The following CFAP96 variants were observed in gnomAD, a reference collection of about 807,000 sequenced individuals.
CFAP96 encodes cilia-and flagella-associated protein 96.
chr4:185,416,884 G>A, the CFAP96 span, among the ~76,000 whole-genome samples: 1 of 152,122 alleles, frequency 6.6e-6, no homozygotes, highest in Non-Finnish European at 1.5e-5. Context: ...AAAAGGAAAT[G>A]ACAGATTTAG....
the CFAP96 span, among the ~76,000 whole-genome samples, chr4:185,412,000 A>G: frequency 6.6e-6 from 1 of 152,348 alleles, no homozygotes; most frequent in South Asian, 2.1e-4. Context: ...CACAAAACCC[A>G]TAATAGTTCC....
the CFAP96 span, among the ~76,000 whole-genome samples, chr4:185,444,491 A>G: frequency 1.5e-3 from 227 of 152,272 alleles, 2 homozygotes; most frequent in Non-Finnish European, 2.5e-4. Flanking sequence ...AGTAAAGTAG[A>G]TCGAATTTTC....
chr4:185,413,471 A>G, the CFAP96 span, among the ~76,000 whole-genome samples: 1 of 152,076 alleles, frequency 6.6e-6, no homozygotes, highest in African/African-American at 2.4e-5. Context: ...GTTCAGAATG[A>G]AAAAAAATGG....
the CFAP96 span, chr4:185,449,756 AAG>A: frequency 9.5e-5 from 61 of 644,144 alleles, no homozygotes; most frequent in Middle Eastern, 2.0e-3. Flanking sequence ...AAGCAGTTAA[AAG>A]AAATTCTGCA....
the CFAP96 span, among the ~76,000 whole-genome samples, chr4:185,412,232 T>C: frequency 1.7e-4 from 26 of 152,326 alleles, no homozygotes; most frequent in Admixed American, 1.2e-3. Context: ...ACCTATTTTA[T>C]TGTCAAAAAG....
the CFAP96 span, among the ~76,000 whole-genome samples, chr4:185,446,476 A>C: frequency 6.6e-6 from 1 of 152,118 alleles, no homozygotes; most frequent in East Asian, 1.9e-4. Context: ...TTTTCACTTT[A>C]TTCTCTCACT....
chr4:185,413,367 G>A, the CFAP96 span, among the ~76,000 whole-genome samples: 4 of 152,130 alleles, frequency 2.6e-5, no homozygotes, highest in Non-Finnish European at 5.9e-5. Context: ...CAGCCTGAGT[G>A]ACAGAGCGAG....
the CFAP96 span, chr4:185,418,409 T>G: frequency 6.6e-7 from 1 of 1,509,288 alleles, no homozygotes; most frequent in East Asian, 2.3e-5. Context: ...TTTAACATTT[T>G]TATCAGTACA....
the CFAP96 span, among the ~76,000 whole-genome samples, chr4:185,424,787 A>G: frequency 6.6e-6 from 1 of 152,370 alleles, no homozygotes; most frequent in South Asian, 2.1e-4. Flanking sequence ...ATTTTACACA[A>G]TTTAACTTAT....
the CFAP96 span, chr4:185,425,895 G>T: frequency 6.3e-7 from 1 of 1,593,844 alleles, no homozygotes; most frequent in African/African-American, 1.3e-5. Context: ...TGACACGGGC[G>T]CTGACGCCTG....
At chr4:185,408,553 T>TA in the CFAP96 span, 1 of 1,049,536 alleles carries the variant, frequency 9.5e-7, no homozygotes, top group Non-Finnish European at 1.4e-6. Context: ...TAGTTCCTTA[T>TA]AAAAATGCCT....
the CFAP96 span, among the ~76,000 whole-genome samples, chr4:185,410,966 A>G: frequency 6.6e-6 from 1 of 151,302 alleles, no homozygotes; most frequent in African/African-American, 2.4e-5. Flanking sequence ...AAAAAGAAAG[A>G]AAGAAATATT....
chr4:185,441,323 CTCT>C, the CFAP96 span, among the ~76,000 whole-genome samples: 1 of 151,762 alleles, frequency 6.6e-6, no homozygotes, highest in African/African-American at 2.4e-5. Context: ...TGTAAATTGC[CTCT>C]TCATTTTTCT....
the CFAP96 span, among the ~76,000 whole-genome samples, chr4:185,448,177 C>T: frequency 2.0e-5 from 3 of 152,138 alleles, no homozygotes; most frequent in African/African-American, 7.2e-5. Context: ...CCCACCACCA[C>T]GCCCAGCTAA....
chr4:185,436,360 G>A, the CFAP96 span: 3 of 1,534,492 alleles, frequency 2.0e-6, no homozygotes, highest in African/African-American at 2.7e-5. Context: ...AAAGTATAAG[G>A]TAAAAAATCT....
chr4:185,429,252 A>T, the CFAP96 span: 1 of 496,580 alleles, frequency 2.0e-6, no homozygotes, highest in Non-Finnish European at 3.5e-6. Context: ...AAACTCTCAG[A>T]CTGAAAGTAA....
At chr4:185,427,521 A>G in the CFAP96 span, among the ~76,000 whole-genome samples, 1 of 152,108 alleles carries the variant, frequency 6.6e-6, no homozygotes, top group African/African-American at 2.4e-5. Flanking sequence ...GCACTTTAGG[A>G]GGCCGAGGCA....
At chr4:185,425,683 C>A in the CFAP96 span, among the ~76,000 whole-genome samples, 276 of 152,182 alleles carry the variant, frequency 1.8e-3, 2 homozygotes, top group African/African-American at 5.6e-3. Context: ...TTGTGTAGGG[C>A]ACTTTCCCCC....
chr4:185,423,243 C>A, the CFAP96 span, among the ~76,000 whole-genome samples: 1 of 152,200 alleles, frequency 6.6e-6, no homozygotes, highest in Non-Finnish European at 1.5e-5. Context: ...TTAAGACAAT[C>A]TTTCCAAATT....
Sources: gnomAD v4.1 joint callset for allele counts (sites outside exome capture counted in the v4.1 genomes callset) on GRCh38, gnomAD v4.1.1 for gene constraint, MANE v1.5 for transcripts, NCBI Gene and HGNC (gene_info 2026-07-23, HGNC 2026-07-21) for gene names.